Variants in RNF111 observed in about 807,000 individuals in gnomAD.
RNF111 encodes ring finger protein 111.
In RNF111, 17 loss-of-function variants were observed where a neutral mutation model predicts 95.1. The ratio of observed to expected loss-of-function variants is 0.18; its 90% confidence interval spans 0.12 to 0.27. RNF111 has a LOEUF of 0.27. Among genes scored for constraint, RNF111 ranks in the 10% least tolerant of loss-of-function variants. RNF111 has a pLI of 1.00. For missense variants in RNF111, 1,189 were observed against 1,210.4 expected (o/e 0.98, Z 0.26); for synonymous variants, 440 against 414.8 (o/e 1.06, Z -0.74).
intron 1 of RNF111, among the ~76,000 whole-genome samples, chr15:59,006,021 T>C (rs564219928): frequency 7.2e-5 from 11 of 152,334 alleles, no homozygotes; most frequent in African/African-American, 2.6e-4. Flanking sequence ...ACTATTTCTG[T>C]ATTTCCTTCT....
chr15:59,081,112 C>A lies in RNF111; in HGVS notation c.2125C>A (p.Pro709Thr), dbSNP rs1349437446. 6.2e-7 allele frequency: 1 copy of A among 1,613,996 alleles called. No homozygotes were observed. Among genetic ancestry groups the A allele is most frequent in the African/African-American group, 1.3e-5 (1 of 74,892 alleles). Residue 709 changes from proline (P) to threonine (T), a missense_variant, in exon 8 of 14, where the codon CCA becomes ACA. By Grantham distance (38) the Pro-to-Thr change is conservative. Transcript: ENST00000348370. ...HATSHPVAPPPPTHLASTAAP... is the reference protein window; with the variant it reads ...HATSHPVAPPTPTHLASTAAP... Reference sequence around the variant, plus strand: ...AACATCTCATCCTGTGGCACCCCCACCACCAACTCACTTAGCCAGTACAGC... The same window carrying A: ...AACATCTCATCCTGTGGCACCCCCAACACCAACTCACTTAGCCAGTACAGC...
At chr15:59,078,866 G>GAAAA (rs58594305) in intron 7 of RNF111, among the ~76,000 whole-genome samples, 1 of 103,890 alleles carries the variant, frequency 9.6e-6, no homozygotes, top group Non-Finnish European at 2.3e-5. Flanking sequence ...CTCAAAAGAA[G>GAAAA]AAAAAAAAAA....
chr15:59,057,784 A>T (rs2042259507), intron 4 of RNF111, among the ~76,000 whole-genome samples: 2 of 152,248 alleles, frequency 1.3e-5, no homozygotes, highest in Admixed American at 1.3e-4. Flanking sequence ...TCTGTAAGGC[A>T]TCATACGAAG....
chr15:59,086,228 T>C (rs2078897515), intron 10 of RNF111, among the ~76,000 whole-genome samples: 1 of 152,136 alleles, frequency 6.6e-6, no homozygotes, highest in East Asian at 1.9e-4. Flanking sequence ...CAAGTGATTC[T>C]CCTGCCTCAG....
intron 1 of RNF111, among the ~76,000 whole-genome samples, chr15:59,018,082 A>C (rs769332464): frequency 6.6e-5 from 10 of 152,164 alleles, no homozygotes; most frequent in Non-Finnish European, 1.2e-4. Context: ...CTTATAGACT[A>C]CTTTCCATTA....
chr15:59,080,839 T>C (rs2078719839), intron 7 of RNF111, 97 bp from the exon 8 acceptor site: 3 of 956,258 alleles, frequency 3.1e-6, no homozygotes, highest in South Asian at 1.7e-5. Flanking sequence ...AAAAATAAAA[T>C]ACTAATATGT....
chr15:59,010,074 G>C (rs1483945849), intron 1 of RNF111, among the ~76,000 whole-genome samples: 1 of 152,206 alleles, frequency 6.6e-6, no homozygotes, highest in African/African-American at 2.4e-5. Flanking sequence ...ATTTGAGAAT[G>C]TGACATTTTG....
intron 1 of RNF111, among the ~76,000 whole-genome samples, chr15:58,989,858 T>G (rs1410263024): frequency 6.7e-6 from 1 of 150,106 alleles, no homozygotes; most frequent in African/African-American, 2.5e-5. Context: ...CCATTTAGAT[T>G]TTTAGATGTT....
At chr15:59,016,416 C>G (rs2040071332) in intron 1 of RNF111, among the ~76,000 whole-genome samples, 1 of 152,120 alleles carries the variant, frequency 6.6e-6, no homozygotes, top group Non-Finnish European at 1.5e-5. Context: ...GATCTGCCCA[C>G]TTTGGCCTAA....
chr15:59,044,412 C>T (rs1169389299), intron 2 of RNF111, among the ~76,000 whole-genome samples: 4 of 152,236 alleles, frequency 2.6e-5, no homozygotes, highest in Middle Eastern at 6.8e-3. Flanking sequence ...TAGTGGCTAA[C>T]GTTGCTTATT....
chr15:59,067,482 C>T (rs1393088661), intron 6 of RNF111, among the ~76,000 whole-genome samples: 1 of 152,012 alleles, frequency 6.6e-6, no homozygotes, highest in African/African-American at 2.4e-5. Flanking sequence ...GGAAAAAACC[C>T]CTAGGGATAG....
At chr15:58,992,306 A>T (rs1011517540) in intron 1 of RNF111, among the ~76,000 whole-genome samples, 2 of 152,086 alleles carry the variant, frequency 1.3e-5, no homozygotes, top group Non-Finnish European at 2.9e-5. Context: ...CGGCCTCCCA[A>T]AGTGCTGGGA....
intron 1 of RNF111, among the ~76,000 whole-genome samples, chr15:59,010,561 C>T (rs1567208348): frequency 6.6e-6 from 1 of 152,054 alleles, no homozygotes; most frequent in Non-Finnish European, 1.5e-5. Context: ...ACCACCACAC[C>T]TAACTAATTT....
At chr15:59,036,612 C>T (rs1596156952) in intron 2 of RNF111, among the ~76,000 whole-genome samples, 2 of 152,308 alleles carry the variant, frequency 1.3e-5, no homozygotes, top group Non-Finnish European at 2.9e-5. Flanking sequence ...TGGCCCCACC[C>T]TTGGCATGTG....
At position 59,029,180 on chromosome 15, in the gene RNF111, T is replaced by TA. The variant is rs1326441127; in HGVS notation, c.-19-1623dup. Among the ~76,000 whole-genome samples, 4 of 152,188 alleles carry TA rather than the reference T, an allele frequency of 2.6e-5. No individual in the cohort carries two copies. In the East Asian group the frequency reaches 7.7e-4, roughly 29 times the overall value. On this transcript the variant is annotated intron_variant, in intron 1 of 13. Transcript: ENST00000348370. ...TATGAGGGTTCCAATGTTTTTTTTTTATGCATCCTCTCTAACACTTGTTAT... is the reference window on the plus strand; with the variant it reads ...TATGAGGGTTCCAATGTTTTTTTTTTAATGCATCCTCTCTAACACTTGTTAT...
chr15:59,073,115 G>A (rs2043012919), intron 6 of RNF111, among the ~76,000 whole-genome samples: 1 of 152,110 alleles, frequency 6.6e-6, no homozygotes, highest in Non-Finnish European at 1.5e-5. Flanking sequence ...GGAGGCTGCA[G>A]TGAGCCACGT....
At chr15:59,081,724 C>T (rs1327326063) in intron 8 of RNF111, among the ~76,000 whole-genome samples, 1 of 151,846 alleles carries the variant, frequency 6.6e-6, no homozygotes, top group African/African-American at 2.4e-5. Flanking sequence ...TGTCCTTTAA[C>T]AACAGTAGAA....
At chr15:59,084,293 C>T in intron 9 of RNF111, 39 bp downstream of exon 9, 10 of 1,510,502 alleles carry the variant, frequency 6.6e-6, no homozygotes, top group Non-Finnish European at 8.9e-6. Context: ...TGCTTCACAG[C>T]TTGTGGTAAA....
At chr15:59,065,526 C>T (rs1015997069) in intron 5 of RNF111, among the ~76,000 whole-genome samples, 31 of 152,118 alleles carry the variant, frequency 2.0e-4, no homozygotes, top group Non-Finnish European at 1.5e-5. Flanking sequence ...AAATAACTTC[C>T]CTAAGGTCAC....
Sources: gnomAD v4.1 joint callset for allele counts (sites outside exome capture counted in the v4.1 genomes callset) on GRCh38, gnomAD v4.1.1 for gene constraint, MANE v1.5 for transcripts, NCBI Gene and HGNC (gene_info 2026-07-23, HGNC 2026-07-21) for gene names.